Variants in CNTN3 observed in about 807,000 individuals in gnomAD.
CNTN3 encodes the protein contactin 3.
CNTN3 carries 60 observed loss-of-function variants against 119.1 expected under a neutral mutation model. The observed-to-expected ratio is 0.50, with a 90% CI of 0.41 to 0.62. CNTN3 has a LOEUF of 0.62. CNTN3 is among the 20% of genes least tolerant of loss of function. The pLI is 0.00. For synonymous variants in CNTN3, 450 were observed against 438.7 expected (o/e 1.03, Z -0.32); for missense variants, 1,101 against 1,242.4 (o/e 0.89, Z 1.71).
chr3:74,494,689 T>C (rs1055741370), intron 3 of CNTN3, among the ~76,000 whole-genome samples: 2 of 152,222 alleles, frequency 1.3e-5, no homozygotes, highest in African/African-American at 4.8e-5. Context: ...CAATCCCAAA[T>C]TCCATTATTT....
At chr3:74,496,996 G>T (rs1245897889) in intron 3 of CNTN3, among the ~76,000 whole-genome samples, 1 of 151,934 alleles carries the variant, frequency 6.6e-6, no homozygotes, top group African/African-American at 2.4e-5. Flanking sequence ...TCTTTTACAA[G>T]ATTCTTTAAC....
intron 3 of CNTN3, among the ~76,000 whole-genome samples, chr3:74,488,077 T>C (rs1702891470): frequency 6.6e-6 from 1 of 150,888 alleles, no homozygotes; most frequent in Non-Finnish European, 1.5e-5. Context: ...AATTATGTAC[T>C]AAGTGTATTT....
In CNTN3 at chr3:74,302,743, A is replaced by C; in HGVS notation, c.1733T>G (p.Met578Arg). Reference sequence around the variant, plus strand: ...AACACTGTCCACCCCCGTTTGCACCATACAAACATATTTCCCACTGTGTTT... The same window carrying C: ...AACACTGTCCACCCCCGTTTGCACCCTACAAACATATTTCCCACTGTGTTT... ...QLKHSGKYVC[M>R]VQTGVDSVSS... is the part of the protein sequence containing the mutation. The change falls in exon 14 of 23, where the codon ATG becomes AGG. Residue 578 changes from methionine (M) to arginine (R), a missense_variant. Met to Arg is a moderately conservative substitution (Grantham distance 91). Coordinates refer to ENST00000263665, the MANE Select transcript of CNTN3 (RefSeq NM_020872.3). The C allele has an allele frequency of 1.9e-6, 3 of 1,613,372 alleles. No individual in the cohort carries two copies. Among genetic ancestry groups the C allele is most frequent in the Non-Finnish European group, 2.5e-6 (3 of 1,179,568 alleles).
At chr3:74,460,518 T>C (rs887865256) in intron 4 of CNTN3, among the ~76,000 whole-genome samples, 8 of 151,896 alleles carry the variant, frequency 5.3e-5, no homozygotes, top group Middle Eastern at 6.8e-3. Flanking sequence ...GTTAAGTGTA[T>C]ACCTATGTAT....
intron 4 of CNTN3, among the ~76,000 whole-genome samples, chr3:74,427,332 A>G (rs1701711598): frequency 6.6e-6 from 1 of 152,190 alleles, no homozygotes. Context: ...CTGGCCAAGT[A>G]GACGGACAGT....
intron 5 of CNTN3, among the ~76,000 whole-genome samples, chr3:74,392,673 G>A (rs1704943773): frequency 6.6e-6 from 1 of 152,148 alleles, no homozygotes; most frequent in South Asian, 2.1e-4. Context: ...GTCCATTAAT[G>A]AACACACACA....
chr3:74,272,404 T>C (rs1402121046), intron 20 of CNTN3, among the ~76,000 whole-genome samples: 1 of 152,166 alleles, frequency 6.6e-6, no homozygotes, highest in African/African-American at 2.4e-5. Flanking sequence ...GAATTTTTCC[T>C]GATTCTATAT....
At chr3:74,550,817 T>C (rs1446806501) in intron 1 of CNTN3, among the ~76,000 whole-genome samples, 1 of 152,198 alleles carries the variant, frequency 6.6e-6, no homozygotes, top group Non-Finnish European at 1.5e-5. Context: ...GCTAAGATTA[T>C]AGGCATGAGC....
intron 1 of CNTN3, among the ~76,000 whole-genome samples, chr3:74,586,398 T>A (rs1704593278): frequency 6.6e-6 from 1 of 152,146 alleles, no homozygotes; most frequent in African/African-American, 2.4e-5. Flanking sequence ...TTCCCCTCAT[T>A]TGTAGAATTA....
chr3:74,546,099 C>T (rs910278759), intron 1 of CNTN3, among the ~76,000 whole-genome samples: 4 of 152,014 alleles, frequency 2.6e-5, no homozygotes, highest in Admixed American at 2.0e-4. Context: ...AGGTTCATGC[C>T]ATTCTCCTGC....
chr3:74,602,774 G>A (rs1209589996), intron 1 of CNTN3, among the ~76,000 whole-genome samples: 1 of 152,096 alleles, frequency 6.6e-6, no homozygotes, highest in Admixed American at 6.6e-5. Context: ...AATTAGCCCT[G>A]TGACTTCTGG....
At chr3:74,274,159 C>T (rs1701835562) in intron 20 of CNTN3, among the ~76,000 whole-genome samples, 1 of 152,076 alleles carries the variant, frequency 6.6e-6, no homozygotes. Flanking sequence ...GCAAGACCTG[C>T]TGTAGGAGGA....
At chr3:74,503,651 G>A (rs758119498) in intron 2 of CNTN3, among the ~76,000 whole-genome samples, 25 of 152,068 alleles carry the variant, frequency 1.6e-4, no homozygotes, top group Non-Finnish European at 3.5e-4. Flanking sequence ...ACAGAGCCTT[G>A]ACTATTCACA....
intron 3 of CNTN3, among the ~76,000 whole-genome samples, chr3:74,494,485 A>G (rs956916880): frequency 6.6e-6 from 1 of 152,088 alleles, no homozygotes; most frequent in Admixed American, 6.6e-5. Flanking sequence ...CTACTCTTCC[A>G]GTTGACATTT....
chr3:74,337,340 T>G lies in CNTN3; in HGVS notation c.1365-682A>C, dbSNP rs1703421959. On this transcript the variant is annotated intron_variant, in intron 11 of 22. Transcript: ENST00000263665. The stretch of plus-strand genomic sequence containing the variant: ...TTAGCACTATAAGAGAACCTGGAAT[T>G]ATGGGGTGAGCAACACAAAAAGTCT... Among the ~76,000 whole-genome samples the G allele has an allele frequency of 2.0e-5, 3 of 152,002 alleles. 1 individual carries two copies. The South Asian group carries it at 6.2e-4, about 32-fold the overall frequency.
At chr3:74,393,512 A>C (rs2106833652) in intron 5 of CNTN3, among the ~76,000 whole-genome samples, 1 of 152,228 alleles carries the variant, frequency 6.6e-6, no homozygotes, top group African/African-American at 2.4e-5. Flanking sequence ...TTGCAGAGGG[A>C]GTGTTATTAG....
In CNTN3 at chr3:74,457,507, C is replaced by T. The variant is rs113344707; in HGVS notation, c.358+28949G>A. Among the ~76,000 whole-genome samples the T allele has an allele frequency of 7.1e-3, 1,072 of 151,726 alleles. 10 individuals carry two copies. Among genetic ancestry groups the T allele is most frequent in the African/African-American group, 0.024 (997 of 41,402 alleles). ...GACCTCAGCCAGGTTGAACAAGAGC[C>T]GCCCCCCAAAAAATAAACCCAATAT... On this transcript the variant is annotated intron_variant, in intron 4 of 22. Coordinates refer to ENST00000263665, the MANE Select transcript of CNTN3 (RefSeq NM_020872.3).
chr3:74,605,475 C>G (rs774532372), intron 1 of CNTN3, among the ~76,000 whole-genome samples: 1 of 151,812 alleles, frequency 6.6e-6, no homozygotes, highest in African/African-American at 2.4e-5. Flanking sequence ...CATAAACTAC[C>G]CCCAAAATAA....
intron 1 of CNTN3, among the ~76,000 whole-genome samples, chr3:74,599,484 T>C (rs1419765665): frequency 6.6e-6 from 1 of 151,992 alleles, no homozygotes; most frequent in Non-Finnish European, 1.5e-5. Context: ...CAGGGATAGT[T>C]TGGAGATGAA....
Sources: gnomAD v4.1 joint callset for allele counts (sites outside exome capture counted in the v4.1 genomes callset) on GRCh38, gnomAD v4.1.1 for gene constraint, MANE v1.5 for transcripts, NCBI Gene and HGNC (gene_info 2026-07-23, HGNC 2026-07-21) for gene names.